Variants in CCDC91 observed in about 807,000 individuals in gnomAD.
CCDC91 encodes coiled-coil domain-containing protein 91.
A neutral mutation model predicts 63.2 loss-of-function variants in CCDC91; 48 were observed. That is an observed-to-expected ratio of 0.76 (90% CI 0.60 to 0.97). CCDC91 has a LOEUF of 0.97. Ranked by LOEUF, CCDC91 falls within the 50% of genes least tolerant of loss-of-function variation. CCDC91 has a pLI of 0.00. For synonymous variants in CCDC91, 167 were observed against 165.8 expected (o/e 1.01, Z -0.06); for missense variants, 500 against 494.6 (o/e 1.01, Z -0.10).
At chr12:28,341,634 C>G (rs1430305775) in intron 6 of CCDC91, among the ~76,000 whole-genome samples, 1 of 152,192 alleles carries the variant, frequency 6.6e-6, no homozygotes, top group Non-Finnish European at 1.5e-5. Context: ...GCCTATTACA[C>G]TTAGGATTCC....
At chr12:28,513,063 G>A (rs1418644258) in intron 12 of CCDC91, among the ~76,000 whole-genome samples, 1 of 151,840 alleles carries the variant, frequency 6.6e-6, no homozygotes, top group Non-Finnish European at 1.5e-5. Flanking sequence ...GGCAGAAACA[G>A]GACAGGATTA....
At chr12:28,445,851 T>C (rs1480593371) in intron 8 of CCDC91, among the ~76,000 whole-genome samples, 1 of 152,148 alleles carries the variant, frequency 6.6e-6, no homozygotes, top group African/African-American at 2.4e-5. Flanking sequence ...CTTTGTCTAA[T>C]CCCAGTTACC....
chr12:28,294,199 C>G (rs1949411976), intron 3 of CCDC91, among the ~76,000 whole-genome samples: 1 of 152,166 alleles, frequency 6.6e-6, no homozygotes, highest in East Asian at 1.9e-4. Context: ...GCACCTAGAC[C>G]AGAGTATGTA....
chr12:28,358,391 C>T (rs574240465), intron 6 of CCDC91, among the ~76,000 whole-genome samples: 9 of 152,286 alleles, frequency 5.9e-5, no homozygotes, highest in African/African-American at 2.2e-4. Context: ...AAGGAAACAC[C>T]TTTCGTACTT....
intron 12 of CCDC91, among the ~76,000 whole-genome samples, chr12:28,492,981 A>G (rs1358756649): frequency 6.6e-6 from 1 of 151,684 alleles, no homozygotes; most frequent in African/African-American, 2.4e-5. Context: ...AAAACTAAAT[A>G]AATACCTAGA....
intron 1 of CCDC91, among the ~76,000 whole-genome samples, chr12:28,201,934 A>C (rs1221823407): frequency 1.3e-5 from 2 of 149,824 alleles, no homozygotes; most frequent in Non-Finnish European, 3.0e-5. Flanking sequence ...AGGCTGAGGC[A>C]GGAGAATCAG....
chr12:28,294,701 C>T (rs1227044647), intron 3 of CCDC91, among the ~76,000 whole-genome samples: 2 of 152,100 alleles, frequency 1.3e-5, no homozygotes, highest in Non-Finnish European at 2.9e-5. Context: ...TCCCTTGCCT[C>T]AGCTTCCCGA....
At chr12:28,389,328 A>G (rs1236954943) in intron 7 of CCDC91, among the ~76,000 whole-genome samples, 1 of 151,986 alleles carries the variant, frequency 6.6e-6, no homozygotes, top group African/African-American at 2.4e-5. Flanking sequence ...TTATATACCT[A>G]CCTTTGTGGG....
At chr12:28,521,696 A>T (rs1356119797) in intron 12 of CCDC91, among the ~76,000 whole-genome samples, 3 of 152,130 alleles carry the variant, frequency 2.0e-5, no homozygotes, top group Non-Finnish European at 4.4e-5. Context: ...TCAGTATGAT[A>T]TTGGCTGTGG....
chr12:28,527,752 C>G (rs926032747), intron 12 of CCDC91, among the ~76,000 whole-genome samples: 2 of 152,156 alleles, frequency 1.3e-5, no homozygotes, highest in African/African-American at 4.8e-5. Flanking sequence ...GGCTTGGACT[C>G]TACTTGGGCA....
intron 11 of CCDC91, among the ~76,000 whole-genome samples, chr12:28,460,741 A>T (rs1950264032): frequency 6.6e-6 from 1 of 152,054 alleles, no homozygotes; most frequent in Non-Finnish European, 1.5e-5. Flanking sequence ...CATACTATAT[A>T]TACACATGTA....
chr12:28,367,339 A>G (rs1944340162), intron 7 of CCDC91, among the ~76,000 whole-genome samples: 1 of 152,240 alleles, frequency 6.6e-6, no homozygotes, highest in Non-Finnish European at 1.5e-5. Flanking sequence ...AAGTAGAAAT[A>G]CAATAACCAA....
At chr12:28,361,980 A>G (rs7312024) in intron 6 of CCDC91, among the ~76,000 whole-genome samples, 7,208 of 152,148 alleles carry the variant, frequency 0.047, 208 homozygotes, top group South Asian at 0.13. Context: ...GAAAGATTGT[A>G]GGATGTTAAC....
intron 8 of CCDC91, chr12:28,412,652 C>CA: frequency 2.5e-6 from 1 of 401,024 alleles, no homozygotes; most frequent in East Asian, 7.7e-5. Context: ...ACAAAGCTTC[C>CA]AGAGCATGGA....
At chr12:28,307,604 C>T (rs2137110943) in intron 5 of CCDC91, 41 bp from the exon 6 acceptor site, 1 of 1,014,800 alleles carries the variant, frequency 9.9e-7, no homozygotes, top group Non-Finnish European at 1.5e-6. Context: ...TATTTTATGC[C>T]ATTAAATATT....
intron 7 of CCDC91, among the ~76,000 whole-genome samples, chr12:28,372,140 T>G (rs1166249389): frequency 2.0e-5 from 3 of 152,178 alleles, no homozygotes; most frequent in Non-Finnish European, 2.9e-5. Flanking sequence ...CGAAGATCAC[T>G]TGGCTGTAAG....
intron 6 of CCDC91, among the ~76,000 whole-genome samples, chr12:28,321,276 C>T (rs1012729732): frequency 1.3e-5 from 2 of 151,832 alleles, no homozygotes; most frequent in African/African-American, 4.8e-5. Context: ...CAAAACTTAG[C>T]TGAATCATAC....
At chr12:28,526,132 T>C (rs2141532134) in intron 12 of CCDC91, among the ~76,000 whole-genome samples, 1 of 152,262 alleles carries the variant, frequency 6.6e-6, no homozygotes, top group Admixed American at 6.5e-5. Flanking sequence ...CCATTCATCA[T>C]GCTATTTGTT....
intron 12 of CCDC91, among the ~76,000 whole-genome samples, chr12:28,542,901 C>T (rs1297907818): frequency 6.6e-6 from 1 of 152,052 alleles, no homozygotes; most frequent in Non-Finnish European, 1.5e-5. Flanking sequence ...TGGAAAATAA[C>T]TGTTTGTTTC....
Sources: allele counts gnomAD v4.1 joint callset (sites outside exome capture counted in the v4.1 genomes callset), GRCh38; gene constraint gnomAD v4.1.1; transcripts MANE v1.5; gene names NCBI Gene and HGNC (gene_info 2026-07-23, HGNC 2026-07-21).